Variants in TAB2 observed in about 807,000 individuals in gnomAD.
TAB2 encodes TGF-beta-activated kinase 1 and MAP3K7-binding protein 2.
TAB2 carries 3 observed loss-of-function variants against 65.0 expected under a neutral mutation model. That is an observed-to-expected ratio of 0.05 (90% CI 0.02 to 0.12). The LOEUF (loss-of-function observed/expected upper bound fraction) is 0.12. TAB2 is among the 10% of genes least tolerant of loss of function. TAB2 has a pLI of 1.00. For synonymous variants in TAB2, 298 were observed against 285.1 expected (o/e 1.05, Z -0.46); for missense variants, 623 against 840.3 (o/e 0.74, Z 3.20).
Position 149,245,249 on chromosome 6 carries a change from T to A in TAB2, c.-121+26473T>A, listed in dbSNP as rs562477731. The A allele has an allele frequency of 2.6e-5, 4 of 152,330 alleles. No individual in the cohort carries two copies. In the East Asian group the frequency reaches 5.8e-4, roughly 22 times the overall value. 9.4% of individuals were successfully genotyped at this position (152,330 alleles called of 1,614,324 possible). ...CCCAAGTTTTGGAAAGTAGAGGAGA[T>A]CTGAACCTTAGCCGTAGCTTCTAGA... On this transcript the variant is annotated intron_variant, in intron 1 of 1. Transcript: ENST00000606202.
At chr6:149,235,786 A>C (rs975689973) in intron 1 of TAB2, among the ~76,000 whole-genome samples, 1 of 152,186 alleles carries the variant, frequency 6.6e-6, no homozygotes, top group Non-Finnish European at 1.5e-5. Flanking sequence ...TTAGACATGC[A>C]TAGGTCACAC....
intron 1 of TAB2, among the ~76,000 whole-genome samples, chr6:149,308,106 C>T (rs1429857712): frequency 6.6e-6 from 1 of 152,170 alleles, no homozygotes; most frequent in Non-Finnish European, 1.5e-5. Context: ...CATAATTTAA[C>T]TCATTACTTA....
At chr6:149,328,376 T>C (rs1375699000) in intron 1 of TAB2, among the ~76,000 whole-genome samples, 1 of 152,164 alleles carries the variant, frequency 6.6e-6, no homozygotes, top group Non-Finnish European at 1.5e-5. Context: ...CAGTGCAACC[T>C]CCACCTCCCA....
intron 4 of TAB2, 40 bp from the exon 5 acceptor site, chr6:149,397,929 A>AT: frequency 6.3e-7 from 1 of 1,597,660 alleles, no homozygotes; most frequent in Non-Finnish European, 8.6e-7. Flanking sequence ...AATGACTAAG[A>AT]ATTCAGTGCA....
intron 1 of TAB2, among the ~76,000 whole-genome samples, chr6:149,224,310 G>T (rs1345777667): frequency 6.6e-6 from 1 of 152,194 alleles, no homozygotes; most frequent in Non-Finnish European, 1.5e-5. Flanking sequence ...CATTTTGGAA[G>T]ATAGCCAAAG....
At chr6:149,359,662 T>G (rs888969960) in intron 1 of TAB2, among the ~76,000 whole-genome samples, 4 of 152,220 alleles carry the variant, frequency 2.6e-5, no homozygotes, top group African/African-American at 9.6e-5. Flanking sequence ...CTGATAACTA[T>G]ATCTCTCTCC....
intron 1 of TAB2, among the ~76,000 whole-genome samples, chr6:149,264,209 G>A (rs1192829212): frequency 2.6e-5 from 4 of 152,162 alleles, no homozygotes; most frequent in Non-Finnish European, 5.9e-5. Flanking sequence ...TGGCCTCATG[G>A]CACCCTTGCT....
chr6:149,257,091 G>C (rs1380436146), intron 1 of TAB2, among the ~76,000 whole-genome samples: 1 of 152,180 alleles, frequency 6.6e-6, no homozygotes, highest in Non-Finnish European at 1.5e-5. Flanking sequence ...AGAGTGGTTG[G>C]TTAGCTGCTG....
chr6:149,284,149 T>C (rs913353085), intron 1 of TAB2, among the ~76,000 whole-genome samples: 14 of 150,624 alleles, frequency 9.3e-5, no homozygotes, highest in Admixed American at 1.3e-4. Context: ...GGTTTAAAAG[T>C]ATCATACCTC....
rs148540763 is a variant in TAB2 at position 149,318,490 on chromosome 6, G to A, written c.-90+475G>A. 2.0e-5 allele frequency: 3 copies of A among 150,616 alleles called. No homozygotes were observed. In the East Asian group the frequency reaches 5.9e-4, roughly 30 times the overall value. 9.3% of individuals were successfully genotyped at this position (150,616 alleles called of 1,614,324 possible). On this transcript the variant is annotated intron_variant, in intron 1 of 6. Transcript: ENST00000637181. ...GCGGGGGTTTTGGGGACAGACACGG[G>A]GCAGTTATGTGGGGGTCGGGCGGGA... is the stretch of plus-strand genomic sequence containing the variant.
intron 3 of TAB2, among the ~76,000 whole-genome samples, chr6:149,390,297 A>G (rs1379365060): frequency 2.6e-5 from 4 of 152,222 alleles, no homozygotes; most frequent in Admixed American, 1.3e-4. Flanking sequence ...ATTACAGACA[A>G]AAAACAAAAA....
chr6:149,339,662 G>A (rs1419503585), intron 1 of TAB2, among the ~76,000 whole-genome samples: 4 of 145,900 alleles, frequency 2.7e-5, no homozygotes, highest in East Asian at 2.0e-4. Context: ...GCAGTGGTGC[G>A]ATTGCAGCCC....
At chr6:149,270,791 C>T (rs1778347179) in intron 1 of TAB2, among the ~76,000 whole-genome samples, 1 of 152,132 alleles carries the variant, frequency 6.6e-6, no homozygotes, top group African/African-American at 2.4e-5. Flanking sequence ...GTCAACTCGC[C>T]CAGCTTTGTC....
upstream of TAB2, chr6:149,217,952 T>C (rs1175473890): frequency 6.6e-6 from 1 of 152,158 alleles, no homozygotes; most frequent in African/African-American, 2.4e-5. Flanking sequence ...ATGTTAAGTA[T>C]GGAGGCAAAA....
intron 2 of TAB2, among the ~76,000 whole-genome samples, chr6:149,373,123 A>G (rs1271531453): frequency 6.6e-6 from 1 of 152,150 alleles, no homozygotes; most frequent in Non-Finnish European, 1.5e-5. Flanking sequence ...TCTGCTGTGA[A>G]TTCTGTAAGA....
At chr6:149,260,544 A>T (rs1421184459) in intron 1 of TAB2, among the ~76,000 whole-genome samples, 1 of 152,232 alleles carries the variant, frequency 6.6e-6, no homozygotes. Flanking sequence ...GAAAAAAAGG[A>T]TAAACTGTTG....
At chr6:149,374,889 A>G (rs1386975415) in intron 2 of TAB2, among the ~76,000 whole-genome samples, 3 of 152,232 alleles carry the variant, frequency 2.0e-5, no homozygotes, top group Non-Finnish European at 2.9e-5. Context: ...AAATGGCTAG[A>G]AAAAATTTTA....
At chr6:149,340,726 C>G (rs1780088352) in intron 1 of TAB2, among the ~76,000 whole-genome samples, 1 of 152,092 alleles carries the variant, frequency 6.6e-6, no homozygotes, top group Non-Finnish European at 1.5e-5. Context: ...CCCCTTCTTT[C>G]TGAGGAATGC....
At chr6:149,335,313 G>A (rs1341901093) in intron 1 of TAB2, among the ~76,000 whole-genome samples, 2 of 150,676 alleles carry the variant, frequency 1.3e-5, no homozygotes, top group African/African-American at 4.9e-5. Context: ...ATGTATGTAT[G>A]TATGTATTAT....
Sources: allele counts gnomAD v4.1 joint callset (sites outside exome capture counted in the v4.1 genomes callset), GRCh38; gene constraint gnomAD v4.1.1; transcripts MANE v1.5; gene names NCBI Gene and HGNC (gene_info 2026-07-23, HGNC 2026-07-21).